ETV7: variants seen among roughly 807,000 people sequenced by gnomAD.
ETV7 encodes ETS variant transcription factor 7, also known as transcription factor ETV7.
Under a neutral mutation model 39.1 loss-of-function variants are expected in ETV7, and 43 were observed. That is an observed-to-expected ratio of 1.10 (90% CI 0.86 to 1.42). The LOEUF (loss-of-function observed/expected upper bound fraction) is 1.42, where lower values mean the gene tolerates loss of function less well. Ranked by LOEUF, ETV7 falls within the 40% of genes most tolerant of loss-of-function variation. The pLI, the probability that ETV7 is intolerant of heterozygous loss-of-function variation, is 0.00. For synonymous variants in ETV7, 196 were observed against 176.6 expected, an observed-to-expected ratio of 1.11 and a Z score of -0.87; for missense variants, 432 against 442.3, an observed-to-expected ratio of 0.98 and a Z score of 0.21.
At chr6:36,385,759 G>C (rs1373986631) in intron 1 of ETV7, 90 bp from the exon 2 acceptor site, 1 of 1,424,912 alleles carries the variant, frequency 7.0e-7, no homozygotes, top group Non-Finnish European at 9.4e-7. Context: ...TTTTGGAAGG[G>C]AAAGAGTGTT....
chr6:36,386,290 T>A (rs2127405535), intron 1 of ETV7, among the ~76,000 whole-genome samples: 1 of 152,320 alleles, frequency 6.6e-6, no homozygotes, highest in East Asian at 1.9e-4. Context: ...ATCACGCCAC[T>A]GCACTCCAGC....
At chr6:36,366,041 G>C (rs1228999572), downstream of ETV7, among the ~76,000 whole-genome samples, 3 of 152,160 alleles carry the variant, frequency 2.0e-5, no homozygotes, top group African/African-American at 7.2e-5. Context: ...GGGTGTGGTG[G>C]TGGGCAGCTG....
intron 2 of ETV7, among the ~76,000 whole-genome samples, chr6:36,376,563 G>T (rs1047705573): frequency 6.6e-6 from 1 of 152,096 alleles, no homozygotes; most frequent in African/African-American, 2.4e-5. Context: ...GGATCACAAA[G>T]TCAGGAGATT....
intron 2 of ETV7, among the ~76,000 whole-genome samples, chr6:36,377,101 T>C (rs1197931949): frequency 6.6e-6 from 1 of 152,198 alleles, no homozygotes; most frequent in African/African-American, 2.4e-5. Context: ...AAGTTTTGGA[T>C]AGTGTTCAGC....
intron 7 of ETV7, among the ~76,000 whole-genome samples, chr6:36,360,138 G>C (rs554055776): frequency 2.0e-5 from 3 of 152,178 alleles, no homozygotes; most frequent in African/African-American, 7.2e-5. Context: ...TAATCCGCCC[G>C]CCTCGGCCTC....
intron 2 of ETV7, among the ~76,000 whole-genome samples, chr6:36,382,438 AATCTCAGGCCCC>A (rs1006936829): frequency 5.3e-5 from 8 of 152,192 alleles, no homozygotes; most frequent in African/African-American, 1.9e-4. Flanking sequence ...AAATCTGCAG[AATCTCAGGCCCC>A]ATCCCAGACC....
At chr6:36,356,844 C>T (rs535068991) in intron 7 of ETV7, among the ~76,000 whole-genome samples, 98 of 152,308 alleles carry the variant, frequency 6.4e-4, no homozygotes, top group Non-Finnish European at 1.2e-3. Flanking sequence ...AGGATTAAGG[C>T]ATTGTCCTGT....
intron 7 of ETV7, among the ~76,000 whole-genome samples, chr6:36,356,340 CAAAA>C (rs979143117): frequency 7.8e-6 from 1 of 128,288 alleles, no homozygotes; most frequent in African/African-American, 3.0e-5. Flanking sequence ...AAAAAAAAAA[CAAAA>C]AAAAACACAA....
At chr6:36,377,395 A>G (rs1037713267) in intron 2 of ETV7, among the ~76,000 whole-genome samples, 1 of 152,284 alleles carries the variant, frequency 6.6e-6, no homozygotes, top group Middle Eastern at 3.4e-3. Flanking sequence ...TGAGCCCGGG[A>G]GGTCACAGTG....
At chr6:36,368,628 TC>T (rs1772843316) in intron 6 of ETV7, among the ~76,000 whole-genome samples, 1 of 152,164 alleles carries the variant, frequency 6.6e-6, no homozygotes, top group Non-Finnish European at 1.5e-5. Flanking sequence ...GAAAGCAGCT[TC>T]CTCATCTGGC....
At chr6:36,354,694 T>TA (rs563469381) in intron 7 of ETV7, 35,074 of 490,258 alleles carry the variant, frequency 0.072, 2 homozygotes, top group South Asian at 0.089. Context: ...ATTTCTGCAA[T>TA]AAAAAAAAAA....
chr6:36,363,659 T>C (rs902632174), downstream of ETV7, among the ~76,000 whole-genome samples: 11 of 152,202 alleles, frequency 7.2e-5, no homozygotes, highest in Non-Finnish European at 1.5e-4. Flanking sequence ...TATTCTCTTA[T>C]CTGGCCCCAC....
chr6:36,378,956 A>G (rs1341858518), intron 2 of ETV7, among the ~76,000 whole-genome samples: 3 of 152,236 alleles, frequency 2.0e-5, no homozygotes, highest in Non-Finnish European at 2.9e-5. Flanking sequence ...GAAGAATAAG[A>G]TATTTAATAG....
chr6:36,358,993 T>C (rs925803913), intron 7 of ETV7, among the ~76,000 whole-genome samples: 2 of 152,068 alleles, frequency 1.3e-5, no homozygotes, highest in African/African-American at 2.4e-5. Flanking sequence ...AGCTGATGGC[T>C]CCCCCAAAGG....
At chr6:36,367,780 C>T (rs1449541889) in intron 6 of ETV7, among the ~76,000 whole-genome samples, 1 of 151,994 alleles carries the variant, frequency 6.6e-6, no homozygotes, top group Non-Finnish European at 1.5e-5. Context: ...AGCTCCACCG[C>T]TTGTCAGCTG....
chr6:36,386,468 T>C, intron 1 of ETV7, among the ~76,000 whole-genome samples: 1 of 152,232 alleles, frequency 6.6e-6, no homozygotes, highest in Non-Finnish European at 1.5e-5. Context: ...GGTTCATCCA[T>C]TCAGATGAGA....
chr6:36,378,417 G>C (rs1461156850), intron 2 of ETV7, among the ~76,000 whole-genome samples: 1 of 152,170 alleles, frequency 6.6e-6, no homozygotes, highest in Non-Finnish European at 1.5e-5. Context: ...TAAGAGCAGA[G>C]AGGACCTCAA....
In ETV7 at chr6:36,366,242, A is replaced by C. The variant is rs1202677999; in HGVS notation, c.*403T>G. ...TACTGAGGCTGTCAGTGCCGCCTGG[A>C]AGCACTAACACTTTTTCCCATTTCC... is the stretch of plus-strand genomic sequence containing the variant. On this transcript the variant is annotated 3_prime_UTR_variant, in exon 8 of 8. Transcript: ENST00000340181. The C allele has an allele frequency of 9.7e-7, 1 of 1,034,000 alleles. No individual in the cohort carries two copies. Among genetic ancestry groups the C allele is most frequent in the Admixed American group, 5.0e-5 (1 of 20,042 alleles). 64.1% of individuals were successfully genotyped at this position (1,034,000 alleles called of 1,614,324 possible). A position where few individuals can be genotyped will look rare whatever the true frequency, so the allele number is the denominator to read the frequency against.
At chr6:36,372,728 G>A (rs921079591) in intron 4 of ETV7, among the ~76,000 whole-genome samples, 2 of 143,146 alleles carry the variant, frequency 1.4e-5, no homozygotes, top group African/African-American at 5.3e-5. Flanking sequence ...AGGATATCAG[G>A]CATTTGGTTT....
Sources: gnomAD v4.1 joint callset for allele counts (sites outside exome capture counted in the v4.1 genomes callset) on GRCh38, gnomAD v4.1.1 for gene constraint, MANE v1.5 for transcripts, NCBI Gene and HGNC (gene_info 2026-07-23, HGNC 2026-07-21) for gene names.